Variants in GRIK2 observed in about 807,000 individuals in gnomAD.
GRIK2 encodes the protein glutamate ionotropic receptor kainate type subunit 2.
A neutral mutation model predicts 100.3 loss-of-function variants in GRIK2; 32 were observed. The ratio of observed to expected loss-of-function variants is 0.32; its 90% CI spans 0.24 to 0.43. The LOEUF (loss-of-function observed/expected upper bound fraction) is 0.43. Among genes scored for constraint, GRIK2 ranks in the 20% least tolerant of loss-of-function variants. The pLI, the probability that GRIK2 is intolerant of heterozygous loss-of-function variation, is 1.00. For missense variants in GRIK2, 843 were observed against 1,114.9 expected (o/e 0.76, Z 3.47); for synonymous variants, 417 against 389.4 (o/e 1.07, Z -0.83).
At chr6:101,541,420 ACACACACACT>A (rs1775990010) in intron 2 of GRIK2, among the ~76,000 whole-genome samples, 2 of 66,768 alleles carry the variant, frequency 3.0e-5, no homozygotes, top group Admixed American at 1.9e-4. Context: ...ACACACACAT[ACACACACACT>A]ACACCCTTAT....
At chr6:101,586,913 AGAG>A (rs144994967) in intron 2 of GRIK2, among the ~76,000 whole-genome samples, 2 of 126,512 alleles carry the variant, frequency 1.6e-5, no homozygotes, top group South Asian at 2.4e-4. Flanking sequence ...AAAAAAAAAA[AGAG>A]AGATATCAAA....
chr6:101,416,250 A>T (rs1776134940), intron 2 of GRIK2, among the ~76,000 whole-genome samples: 1 of 152,174 alleles, frequency 6.6e-6, no homozygotes, highest in Admixed American at 6.5e-5. Flanking sequence ...AACTTACGGG[A>T]TAACATAAGA....
intron 4 of GRIK2, among the ~76,000 whole-genome samples, chr6:101,667,534 T>C (rs764789596): frequency 2.5e-4 from 38 of 152,296 alleles, no homozygotes; most frequent in East Asian, 5.8e-4. Flanking sequence ...CAACTGACTA[T>C]AAATTTGTAC....
chr6:101,398,678 G>A (rs2852512), intron 1 of GRIK2: 43,658 of 215,342 alleles, frequency 0.2, 5,230 homozygotes, highest in African/African-American at 0.33. Context: ...GAAAATAAAA[G>A]CAATGTTCTC....
At chr6:101,905,404 A>G (rs1788152183) in intron 12 of GRIK2, among the ~76,000 whole-genome samples, 1 of 151,678 alleles carries the variant, frequency 6.6e-6, no homozygotes, top group African/African-American at 2.4e-5. Context: ...AGCTTACTCC[A>G]AATAAAATAT....
At chr6:101,417,766 C>T (rs541245433) in intron 2 of GRIK2, among the ~76,000 whole-genome samples, 208 of 152,218 alleles carry the variant, frequency 1.4e-3, no homozygotes, top group African/African-American at 4.7e-3. Flanking sequence ...AGAAAAGGCA[C>T]GGAAAATGTG....
chr6:101,446,509 T>C (rs1162547078), intron 2 of GRIK2, among the ~76,000 whole-genome samples: 1 of 151,892 alleles, frequency 6.6e-6, no homozygotes, highest in Admixed American at 6.6e-5. Context: ...CACTAAGTTT[T>C]ATACACTAAG....
At chr6:101,745,561 A>G (rs1174288105) in intron 7 of GRIK2, among the ~76,000 whole-genome samples, 3 of 152,220 alleles carry the variant, frequency 2.0e-5, no homozygotes, top group African/African-American at 7.2e-5. Context: ...TATGAATAAT[A>G]GATGGGCAAT....
At chr6:101,695,617 T>C (rs1405248519) in intron 7 of GRIK2, among the ~76,000 whole-genome samples, 1 of 152,102 alleles carries the variant, frequency 6.6e-6, no homozygotes, top group Admixed American at 6.6e-5. Flanking sequence ...AGGATAAGCA[T>C]TTATAATACA....
chr6:101,729,016 C>T (rs910632942), intron 7 of GRIK2, among the ~76,000 whole-genome samples: 1 of 151,798 alleles, frequency 6.6e-6, no homozygotes, highest in African/African-American at 2.4e-5. Context: ...ATTAAGAAGC[C>T]TTGTTTTGCA....
intron 7 of GRIK2, among the ~76,000 whole-genome samples, chr6:101,741,563 A>G (rs912985770): frequency 3.9e-5 from 6 of 152,184 alleles, no homozygotes; most frequent in Non-Finnish European, 7.3e-5. Flanking sequence ...TATTTTTTTA[A>G]AAGGGCATCA....
At chr6:101,768,364 T>C (rs1015821529) in intron 7 of GRIK2, among the ~76,000 whole-genome samples, 1 of 152,208 alleles carries the variant, frequency 6.6e-6, no homozygotes, top group African/African-American at 2.4e-5. Flanking sequence ...AACTGGTGTT[T>C]GACATGCATT....
At chr6:101,404,627 C>G (rs1356184666) in intron 2 of GRIK2, among the ~76,000 whole-genome samples, 1 of 152,170 alleles carries the variant, frequency 6.6e-6, no homozygotes, top group Non-Finnish European at 1.5e-5. Context: ...TAATCTACTG[C>G]ATGCTTAATA....
intron 2 of GRIK2, among the ~76,000 whole-genome samples, chr6:101,445,295 G>A (rs1399752018): frequency 6.6e-6 from 1 of 152,062 alleles, no homozygotes; most frequent in Non-Finnish European, 1.5e-5. Flanking sequence ...TCTCTATTAA[G>A]CTTCAGCCAA....
chr6:101,879,535 T>C (rs141232041), intron 11 of GRIK2, among the ~76,000 whole-genome samples: 1 of 152,106 alleles, frequency 6.6e-6, no homozygotes, highest in African/African-American at 2.4e-5. Context: ...TCTATGCTTC[T>C]TGGGTTCTTG....
intron 2 of GRIK2, among the ~76,000 whole-genome samples, chr6:101,407,200 A>G (rs1023057882): frequency 2.0e-5 from 3 of 152,020 alleles, no homozygotes; most frequent in Non-Finnish European, 4.4e-5. Flanking sequence ...TTCATCATAG[A>G]TTTTAGTACA....
chr6:101,812,388 G>C (rs577227609), intron 9 of GRIK2, among the ~76,000 whole-genome samples: 2 of 151,928 alleles, frequency 1.3e-5, no homozygotes, highest in South Asian at 4.1e-4. Context: ...GGCACTTAGA[G>C]TTTAACACAG....
chr6:101,448,125 T>G (rs570554052), intron 2 of GRIK2, among the ~76,000 whole-genome samples: 1 of 151,848 alleles, frequency 6.6e-6, no homozygotes, highest in Non-Finnish European at 1.5e-5. Context: ...TTAGAGTTAG[T>G]CTACCTAACA....
chr6:101,481,613 G>A (rs1772532457), intron 2 of GRIK2, among the ~76,000 whole-genome samples: 1 of 151,746 alleles, frequency 6.6e-6, no homozygotes, highest in Admixed American at 6.6e-5. Context: ...AGATTATTTT[G>A]GGTATTAAAT....
Sources: allele counts gnomAD v4.1 joint callset (sites outside exome capture counted in the v4.1 genomes callset), GRCh38; gene constraint gnomAD v4.1.1; transcripts MANE v1.5; gene names NCBI Gene and HGNC (gene_info 2026-07-23, HGNC 2026-07-21).